The following CACNA2D3 variants were observed in gnomAD, a reference collection of about 807,000 sequenced individuals.
The protein encoded by CACNA2D3 is voltage-dependent calcium channel subunit alpha-2/delta-3.
Under a neutral mutation model 160.6 loss-of-function variants are expected in CACNA2D3, and 60 were observed. That is an observed-to-expected ratio of 0.37 (90% CI 0.30 to 0.46). The LOEUF (loss-of-function observed/expected upper bound fraction) is 0.46, where lower values mean the gene tolerates loss of function less well. Among genes scored for constraint, CACNA2D3 ranks in the 20% least tolerant of loss-of-function variants. The pLI is 1.00. For missense variants in CACNA2D3, 1,205 were observed against 1,365.0 expected, an observed-to-expected ratio of 0.88 and a Z score of 1.85; for synonymous variants, 558 against 492.9, an observed-to-expected ratio of 1.13 and a Z score of -1.75.
At chr3:55,013,486 A>G (rs747976128) in intron 34 of CACNA2D3, among the ~76,000 whole-genome samples, 2 of 152,222 alleles carry the variant, frequency 1.3e-5, no homozygotes, top group Non-Finnish European at 2.9e-5. Flanking sequence ...TTAAATGTAA[A>G]TATAAATCCC....
At chr3:54,463,122 G>A (rs144773478) in intron 4 of CACNA2D3, among the ~76,000 whole-genome samples, 2,931 of 152,056 alleles carry the variant, frequency 0.019, 75 homozygotes, top group East Asian at 0.11. Context: ...CTTCTGGCTT[G>A]TAGAGTTTCC....
chr3:54,404,310 ATG>A (rs1699530932), intron 4 of CACNA2D3, among the ~76,000 whole-genome samples: 6 of 152,170 alleles, frequency 3.9e-5, no homozygotes, highest in Admixed American at 3.9e-4. Context: ...ATCGAGAGAG[ATG>A]TATCCCTGGC....
intron 4 of CACNA2D3, among the ~76,000 whole-genome samples, chr3:54,458,633 C>T (rs1298474589): frequency 6.6e-6 from 1 of 152,028 alleles, no homozygotes; most frequent in Non-Finnish European, 1.5e-5. Flanking sequence ...AATTTGACTA[C>T]AGTGTGCCTC....
At chr3:54,210,775 T>G (rs1701358242) in intron 2 of CACNA2D3, among the ~76,000 whole-genome samples, 1 of 152,172 alleles carries the variant, frequency 6.6e-6, no homozygotes, top group South Asian at 2.1e-4. Context: ...CCATCCAGGT[T>G]TACCCTTGTG....
At chr3:54,493,297 G>A (rs564239000) in intron 4 of CACNA2D3, among the ~76,000 whole-genome samples, 2 of 151,902 alleles carry the variant, frequency 1.3e-5, no homozygotes, top group East Asian at 1.9e-4. Flanking sequence ...GGCTGGTCTC[G>A]AACTCTTGAG....
intron 17 of CACNA2D3, among the ~76,000 whole-genome samples, chr3:54,847,827 C>T (rs1698968438): frequency 6.6e-6 from 1 of 152,118 alleles, no homozygotes; most frequent in Admixed American, 6.6e-5. Flanking sequence ...CCAGGTTGCC[C>T]AGTTGGCATC....
At chr3:55,019,159 G>A (rs542029913) in intron 35 of CACNA2D3, among the ~76,000 whole-genome samples, 20 of 150,226 alleles carry the variant, frequency 1.3e-4, no homozygotes, top group African/African-American at 5.0e-4. Flanking sequence ...ATGCAGATCT[G>A]TTTCCAGATC....
At chr3:55,012,576 G>T (rs1010082961) in intron 34 of CACNA2D3, among the ~76,000 whole-genome samples, 10 of 152,086 alleles carry the variant, frequency 6.6e-5, no homozygotes, top group African/African-American at 2.4e-4. Context: ...CATTCACTAT[G>T]ATCTTTGCCT....
At chr3:54,372,521 A>G (rs983196461) in intron 3 of CACNA2D3, among the ~76,000 whole-genome samples, 1 of 152,134 alleles carries the variant, frequency 6.6e-6, no homozygotes, top group African/African-American at 2.4e-5. Context: ...ATACCAGGGA[A>G]TTTCAGTTTC....
chr3:54,996,523 T>A (rs188972950), intron 31 of CACNA2D3, among the ~76,000 whole-genome samples: 3 of 152,296 alleles, frequency 2.0e-5, no homozygotes, highest in African/African-American at 7.2e-5. Context: ...ACAGGGACTG[T>A]CTTGATGCTT....
intron 2 of CACNA2D3, among the ~76,000 whole-genome samples, chr3:54,181,182 A>G (rs1245964718): frequency 2.6e-5 from 4 of 152,206 alleles, no homozygotes; most frequent in African/African-American, 9.7e-5. Flanking sequence ...TAGAACATGA[A>G]GGTCTTATTT....
intron 35 of CACNA2D3, among the ~76,000 whole-genome samples, chr3:55,029,772 A>G (rs1475027755): frequency 6.6e-6 from 1 of 152,196 alleles, no homozygotes; most frequent in Non-Finnish European, 1.5e-5. Flanking sequence ...TGTCATGAAT[A>G]ATATAATTTG....
At chr3:54,826,220 T>A in intron 14 of CACNA2D3, among the ~76,000 whole-genome samples, 1 of 152,160 alleles carries the variant, frequency 6.6e-6, no homozygotes, top group African/African-American at 2.4e-5. Flanking sequence ...TGGATATATA[T>A]CCATTACAAA....
chr3:54,167,546 A>G (rs533392016), intron 2 of CACNA2D3, among the ~76,000 whole-genome samples: 3 of 152,300 alleles, frequency 2.0e-5, no homozygotes, highest in Admixed American at 2.0e-4. Context: ...GGTGAGGTCA[A>G]GGAGAACCAC....
intron 2 of CACNA2D3, among the ~76,000 whole-genome samples, chr3:54,221,702 G>A (rs1004518878): frequency 1.3e-5 from 2 of 152,088 alleles, no homozygotes; most frequent in East Asian, 1.9e-4. Flanking sequence ...TGTATATAAC[G>A]TATGTACCTT....
intron 11 of CACNA2D3, among the ~76,000 whole-genome samples, chr3:54,734,882 G>A (rs964766596): frequency 6.6e-6 from 1 of 152,208 alleles, no homozygotes; most frequent in Non-Finnish European, 1.5e-5. Flanking sequence ...TGGAAGTTCG[G>A]TGATGGGGAT....
At chr3:54,605,009 C>T (rs1703139666) in intron 9 of CACNA2D3, among the ~76,000 whole-genome samples, 1 of 152,134 alleles carries the variant, frequency 6.6e-6, no homozygotes, top group South Asian at 2.1e-4. Context: ...CCAAGCTTCC[C>T]CTGAAACCTG....
intron 14 of CACNA2D3, among the ~76,000 whole-genome samples, chr3:54,821,647 T>C (rs538093347): frequency 2.2e-5 from 1 of 44,774 alleles, no homozygotes; most frequent in Non-Finnish European, 5.3e-5. Context: ...TTTCGTTCTT[T>C]CTTTCTTTCT....
intron 9 of CACNA2D3, among the ~76,000 whole-genome samples, chr3:54,606,216 T>C (rs1698622490): frequency 6.6e-6 from 1 of 152,096 alleles, no homozygotes; most frequent in African/African-American, 2.4e-5. Context: ...TGGCTTCTTG[T>C]TTTATACTTT....
Sources: allele counts gnomAD v4.1 joint callset (sites outside exome capture counted in the v4.1 genomes callset), GRCh38; gene constraint gnomAD v4.1.1; transcripts MANE v1.5; gene names NCBI Gene and HGNC (gene_info 2026-07-23, HGNC 2026-07-21).